Variants in MAST4 observed in about 807,000 individuals in gnomAD.
MAST4 encodes the protein microtubule associated serine/threonine kinase family member 4.
In MAST4, 89 loss-of-function variants were observed where a neutral mutation model predicts 162.7. The ratio of observed to expected loss-of-function variants is 0.55; its 90% CI spans 0.46 to 0.65. The LOEUF is 0.65. MAST4 is among the 30% of genes least tolerant of loss of function. The pLI, the probability that MAST4 is intolerant of heterozygous loss-of-function variation, is 0.00. For synonymous variants in MAST4, 1,479 were observed against 1,361.1 expected, an observed-to-expected ratio of 1.09 and a Z score of -1.91; for missense variants, 3,153 against 3,374.0, an observed-to-expected ratio of 0.93 and a Z score of 1.62.
At chr5:67,126,011 T>G (rs1413716040) in intron 14 of MAST4, among the ~76,000 whole-genome samples, 1 of 152,234 alleles carries the variant, frequency 6.6e-6, no homozygotes, top group Non-Finnish European at 1.5e-5. Context: ...TGAGCTTTTT[T>G]TCATATGTTT....
intron 4 of MAST4, among the ~76,000 whole-genome samples, chr5:66,981,868 C>G (rs1386529162): frequency 6.6e-6 from 1 of 152,130 alleles, no homozygotes; most frequent in Non-Finnish European, 1.5e-5. Flanking sequence ...GTTAAGTGCT[C>G]TCTAATTTGA....
chr5:67,155,969 G>T (rs1458127413), intron 26 of MAST4, among the ~76,000 whole-genome samples: 1 of 150,888 alleles, frequency 6.6e-6, no homozygotes, highest in Non-Finnish European at 1.5e-5. Context: ...CTGAGACAGA[G>T]AATTTCTTGA....
chr5:66,925,060 G>T (rs1764797900), intron 4 of MAST4, among the ~76,000 whole-genome samples: 2 of 152,180 alleles, frequency 1.3e-5, no homozygotes. Flanking sequence ...ATGTAGGATA[G>T]TTGGCACAAA....
At chr5:66,805,005 C>T (rs563619018) in intron 3 of MAST4, among the ~76,000 whole-genome samples, 2 of 152,248 alleles carry the variant, frequency 1.3e-5, no homozygotes, top group Non-Finnish European at 2.9e-5. Context: ...AGAGGTTTGT[C>T]TACTTCATTA....
intron 1 of MAST4, among the ~76,000 whole-genome samples, chr5:66,697,390 A>G (rs908277100): frequency 6.6e-6 from 1 of 152,246 alleles, no homozygotes; most frequent in Non-Finnish European, 1.5e-5. Context: ...AATGATAACC[A>G]TATCAGAAAG....
intron 10 of MAST4, among the ~76,000 whole-genome samples, chr5:67,108,216 C>T (rs1040201922): frequency 2.6e-5 from 4 of 152,166 alleles, no homozygotes; most frequent in East Asian, 3.9e-4. Flanking sequence ...TCTCATTTCT[C>T]TTTGAAGAGA....
intron 5 of MAST4, among the ~76,000 whole-genome samples, chr5:67,085,538 C>T (rs1030089872): frequency 6.6e-6 from 1 of 152,166 alleles, no homozygotes; most frequent in Non-Finnish European, 1.5e-5. Context: ...AAGACAGGGA[C>T]AGGAAAAACC....
intron 3 of MAST4, among the ~76,000 whole-genome samples, chr5:66,809,177 G>C (rs1228299166): frequency 1.3e-5 from 2 of 152,132 alleles, no homozygotes; most frequent in Admixed American, 6.5e-5. Context: ...ACCAAAATGT[G>C]GTGTTCAGAC....
intron 5 of MAST4, among the ~76,000 whole-genome samples, chr5:67,062,731 A>G (rs1000904713): frequency 6.6e-6 from 1 of 152,202 alleles, no homozygotes; most frequent in South Asian, 2.1e-4. Context: ...GGTGCCCCAC[A>G]TAACCACTGT....
At chr5:66,832,131 G>A (rs1302423166) in intron 3 of MAST4, among the ~76,000 whole-genome samples, 1 of 152,086 alleles carries the variant, frequency 6.6e-6, no homozygotes, top group South Asian at 2.1e-4. Flanking sequence ...CAGAGCGGCT[G>A]ACGATGCCTT....
chr5:66,756,890 T>A (rs1263451744), intron 1 of MAST4, among the ~76,000 whole-genome samples: 1 of 152,208 alleles, frequency 6.6e-6, no homozygotes, highest in Admixed American at 6.5e-5. Flanking sequence ...TTGGCAGCCC[T>A]CACAGTTCAC....
intron 3 of MAST4, among the ~76,000 whole-genome samples, chr5:66,850,906 A>G (rs78826905): frequency 0.026 from 3,934 of 151,018 alleles, 65 homozygotes; most frequent in Non-Finnish European, 0.043. Flanking sequence ...ACCCTGACCC[A>G]AGATGTTGCC....
At position 67,166,006 on chromosome 5, in the gene MAST4, A is replaced by C. The variant is rs1456384376; in HGVS notation, c.6827A>C (p.His2276Pro). 6.2e-7 allele frequency: 1 copy of C among 1,613,542 alleles called. No individual in the cohort carries two copies. The highest frequency in any genetic ancestry group is 8.5e-7 in the Non-Finnish European group (1 of 1,179,870). ...QGEGGPSVPL[H>P]TDRAPLDAKP... ...GAAGGTGGGCCCTCTGTCCCACTGC[A>C]CACTGACAGGGCTCCTCTAGACGCC... Residue 2276 changes from histidine to proline, a missense_variant, in exon 29 of 29, where the codon CAC (histidine) becomes CCC (proline). By Grantham distance (77) the His-to-Pro change is moderately conservative. Coordinates refer to ENST00000403625, the MANE Select transcript of MAST4 (RefSeq NM_001164664.2).
At chr5:66,960,213 G>A (rs867067024) in intron 4 of MAST4, among the ~76,000 whole-genome samples, 1 of 152,164 alleles carries the variant, frequency 6.6e-6, no homozygotes, top group African/African-American at 2.4e-5. Context: ...AACTGTGCTT[G>A]GTTCTGAGGA....
intron 1 of MAST4, among the ~76,000 whole-genome samples, chr5:66,626,435 T>C (rs569762850): frequency 6.6e-6 from 1 of 152,312 alleles, no homozygotes; most frequent in Admixed American, 6.5e-5. Context: ...GTTCTCACTG[T>C]ATATCTTGGA....
At chr5:67,144,823 T>A in intron 22 of MAST4, 27 bp downstream of exon 22, 1 of 1,571,778 alleles carries the variant, frequency 6.4e-7, no homozygotes, top group South Asian at 1.2e-5. Flanking sequence ...TTAAGTAATA[T>A]AAGCAGTAGC....
At chr5:66,855,815 T>C (rs957236097) in intron 3 of MAST4, among the ~76,000 whole-genome samples, 26 of 152,132 alleles carry the variant, frequency 1.7e-4, no homozygotes, top group Non-Finnish European at 7.4e-5. Context: ...TTAGTAGGCT[T>C]ACATGGTTTT....
chr5:66,907,576 A>G (rs1763454492), intron 4 of MAST4, among the ~76,000 whole-genome samples: 1 of 145,716 alleles, frequency 6.9e-6, no homozygotes, highest in Non-Finnish European at 1.5e-5. Context: ...TGAAATGGGC[A>G]TAGGTTGATG....
intron 1 of MAST4, among the ~76,000 whole-genome samples, chr5:66,752,338 A>G (rs974810528): frequency 3.3e-5 from 5 of 151,108 alleles, no homozygotes; most frequent in African/African-American, 9.8e-5. Flanking sequence ...CAATTAAAAG[A>G]CACAGACTGG....
Sources: allele counts gnomAD v4.1 joint callset (sites outside exome capture counted in the v4.1 genomes callset), GRCh38; gene constraint gnomAD v4.1.1; transcripts MANE v1.5; gene names NCBI Gene and HGNC (gene_info 2026-07-23, HGNC 2026-07-21).